PTCHD4: variants seen among roughly 807,000 people sequenced by gnomAD.
PTCHD4 encodes the protein patched domain-containing protein 4.
Under a neutral mutation model 58.1 loss-of-function variants are expected in PTCHD4, and 33 were observed. The observed-to-expected ratio is 0.57, with a 90% confidence interval of 0.43 to 0.76. The LOEUF is 0.76. PTCHD4 is among the 30% of genes least tolerant of loss of function. The probability of loss-of-function intolerance (pLI) is 0.00; values close to 1 mark genes in which losing one functional copy is unlikely to be tolerated. For synonymous variants in PTCHD4, 478 were observed against 409.6 expected, an observed-to-expected ratio of 1.17 and a Z score of -2.02; for missense variants, 1,058 against 1,027.1, an observed-to-expected ratio of 1.03 and a Z score of -0.41.
At chr6:47,989,799 G>C (rs1200521031) in intron 4 of PTCHD4, among the ~76,000 whole-genome samples, 1 of 152,238 alleles carries the variant, frequency 6.6e-6, no homozygotes, top group Non-Finnish European at 1.5e-5. Context: ...GATTGGAAAT[G>C]TGGGGTCGGA....
At chr6:48,076,238 A>C (rs1027822120) in intron 1 of PTCHD4, among the ~76,000 whole-genome samples, 11 of 152,202 alleles carry the variant, frequency 7.2e-5, no homozygotes, top group African/African-American at 2.4e-4. Flanking sequence ...TTCAGACTTC[A>C]CTTCTAATTC....
intron 3 of PTCHD4, among the ~76,000 whole-genome samples, chr6:48,058,885 A>T (rs1764512370): frequency 1.3e-5 from 2 of 152,202 alleles, no homozygotes; most frequent in South Asian, 4.1e-4. Flanking sequence ...CCATCTTATT[A>T]CACTTACTAA....
At chr6:48,053,593 A>G (rs1764307867) in intron 3 of PTCHD4, among the ~76,000 whole-genome samples, 1 of 152,190 alleles carries the variant, frequency 6.6e-6, no homozygotes, top group Admixed American at 6.5e-5. Flanking sequence ...TATCATCAAC[A>G]TAATAAATAT....
intron 4 of PTCHD4, among the ~76,000 whole-genome samples, chr6:47,925,968 C>T (rs1765599335): frequency 6.6e-6 from 1 of 152,124 alleles, no homozygotes; most frequent in Non-Finnish European, 1.5e-5. Flanking sequence ...GCAGATGAGG[C>T]TTCCAAGACT....
In PTCHD4 at chr6:47,902,487, A is replaced by C. The variant is rs186047425; in HGVS notation, c.899-22551T>G. ...CTATAAAAGCTCAGGGAAATGCATAAATGGGAAAGTTTGCGTGAAGGAAAT... is the reference window on the plus strand; with the variant it reads ...CTATAAAAGCTCAGGGAAATGCATACATGGGAAAGTTTGCGTGAAGGAAAT... On this transcript the variant is annotated intron_variant, in intron 4 of 4. Coordinates refer to ENST00000339488, the MANE Select transcript of PTCHD4 (RefSeq NM_001384253.1). 1.2e-3 allele frequency among the ~76,000 whole-genome samples: 188 copies of C among 152,286 alleles called. 4 individuals carry two copies. Among genetic ancestry groups the C allele is most frequent in the Admixed American group, 0.01 (159 of 15,286 alleles).
chr6:48,103,021 C>A (rs893841833), intron 1 of PTCHD4, among the ~76,000 whole-genome samples: 1 of 152,220 alleles, frequency 6.6e-6, no homozygotes, highest in African/African-American at 2.4e-5. Flanking sequence ...GGCTCCACCT[C>A]TGGGGGCAGG....
intron 1 of PTCHD4, among the ~76,000 whole-genome samples, chr6:48,102,318 C>T (rs879529769): frequency 4.5e-4 from 68 of 152,226 alleles, no homozygotes; most frequent in African/African-American, 1.5e-3. Context: ...TTAACAGTTG[C>T]CTAAAGTCTT....
intron 4 of PTCHD4, among the ~76,000 whole-genome samples, chr6:47,933,968 T>G (rs1765915131): frequency 6.6e-6 from 1 of 152,240 alleles, no homozygotes; most frequent in South Asian, 2.1e-4. Flanking sequence ...ACACTTCAGA[T>G]GTTATCTCTA....
intron 3 of PTCHD4, among the ~76,000 whole-genome samples, chr6:48,046,831 G>A (rs1764050305): frequency 1.3e-5 from 2 of 151,860 alleles, no homozygotes; most frequent in African/African-American, 2.4e-5. Context: ...TTTTAATTAA[G>A]TTGTTCCTCT....
At chr6:47,945,524 T>C (rs1766382167) in intron 4 of PTCHD4, among the ~76,000 whole-genome samples, 1 of 152,044 alleles carries the variant, frequency 6.6e-6, no homozygotes. Context: ...GCCTAAACAA[T>C]ATATTGTTTA....
chr6:47,955,909 C>A (rs1485917993), intron 4 of PTCHD4, among the ~76,000 whole-genome samples: 2 of 152,174 alleles, frequency 1.3e-5, no homozygotes, highest in African/African-American at 4.8e-5. Context: ...AGCCATCATT[C>A]ACTTTCTCAC....
At chr6:48,065,593 T>A (rs1051113169) in intron 3 of PTCHD4, among the ~76,000 whole-genome samples, 1 of 152,032 alleles carries the variant, frequency 6.6e-6, no homozygotes, top group Non-Finnish European at 1.5e-5. Flanking sequence ...TGCCAGGGAG[T>A]TCTGATCCTG....
intron 4 of PTCHD4, among the ~76,000 whole-genome samples, chr6:47,916,023 G>C (rs763685377): frequency 6.6e-6 from 1 of 152,148 alleles, no homozygotes; most frequent in African/African-American, 2.4e-5. Context: ...TCTTGAGAGA[G>C]TGTGATGTGT....
At position 48,068,945 on chromosome 6, in the gene PTCHD4, G is replaced by T. The variant is rs1477053782; in HGVS notation, c.5+8C>A. On this transcript the variant is annotated splice_region_variant and intron_variant, in intron 2 of 4. Coordinates refer to ENST00000339488, the MANE Select transcript of PTCHD4 (RefSeq NM_001384253.1). This position sits in a 1 kb window ranked among gnomAD's most constrained non-coding sequence, Gnocchi z 4.2. ...CGCGCCCTCGCCGCCTCCCGCGCTG[G>T]CTCTCACCGCATGAGCAGCGTTCCC... 6.6e-6 allele frequency among the ~76,000 whole-genome samples: 1 copy of T among 151,458 alleles called. No individual in the cohort carries two copies.
At chr6:47,954,675 A>G (rs1355483366) in intron 4 of PTCHD4, among the ~76,000 whole-genome samples, 2 of 152,136 alleles carry the variant, frequency 1.3e-5, no homozygotes, top group African/African-American at 2.4e-5. Flanking sequence ...TATTAGTAAA[A>G]CTGTTGTAGT....
intron 4 of PTCHD4, among the ~76,000 whole-genome samples, chr6:47,996,979 A>C (rs1221591812): frequency 6.6e-6 from 1 of 152,212 alleles, no homozygotes; most frequent in Admixed American, 6.5e-5. Context: ...TGAACACACC[A>C]CTTATTATTT....
chr6:48,066,856 T>C (rs527893339), intron 3 of PTCHD4, among the ~76,000 whole-genome samples: 1 of 151,312 alleles, frequency 6.6e-6, no homozygotes. Context: ...AGTTTCTAAG[T>C]GCATTAAATC....
chr6:48,047,440 G>A (rs1303952620), intron 3 of PTCHD4, among the ~76,000 whole-genome samples: 12 of 151,832 alleles, frequency 7.9e-5, no homozygotes, highest in South Asian at 4.1e-4. Flanking sequence ...AAATGTGTTT[G>A]ATTGTTTATG....
At chr6:48,007,632 C>A (rs1456329035) in intron 4 of PTCHD4, among the ~76,000 whole-genome samples, 1 of 152,180 alleles carries the variant, frequency 6.6e-6, no homozygotes, top group Admixed American at 6.5e-5. Flanking sequence ...CCTCATAGAT[C>A]TTTCCATTAC....
Sources: allele counts gnomAD v4.1 joint callset (sites outside exome capture counted in the v4.1 genomes callset), GRCh38; gene constraint gnomAD v4.1.1; non-coding constraint Gnocchi (gnomAD v3.1); transcripts MANE v1.5; gene names NCBI Gene and HGNC (gene_info 2026-07-23, HGNC 2026-07-21).